The following LRRIQ3 variants were observed in gnomAD, a reference collection of about 807,000 sequenced individuals.
LRRIQ3 encodes the protein leucine-rich repeat and IQ domain-containing protein 3.
A neutral mutation model predicts 59.3 loss-of-function variants in LRRIQ3; 75 were observed. That is an observed-to-expected ratio of 1.26 (90% CI 1.05 to 1.53). The LOEUF (loss-of-function observed/expected upper bound fraction) is 1.53. Among genes scored for constraint, LRRIQ3 ranks in the 40% most tolerant of loss-of-function variants. LRRIQ3 has a pLI of 0.00. For missense variants in LRRIQ3, 831 were observed against 710.0 expected (o/e 1.17, Z -1.94); for synonymous variants, 250 against 231.3 (o/e 1.08, Z -0.73).
At chr1:74,164,013 C>T (rs972707364) in intron 3 of LRRIQ3, among the ~76,000 whole-genome samples, 6 of 151,124 alleles carry the variant, frequency 4.0e-5, no homozygotes, top group African/African-American at 1.5e-4. Context: ...TATTTTTTCA[C>T]GTGATTACTT....
At chr1:74,045,134 C>A (rs1036449481) in intron 6 of LRRIQ3, among the ~76,000 whole-genome samples, 3 of 152,014 alleles carry the variant, frequency 2.0e-5, no homozygotes, top group African/African-American at 2.4e-5. Flanking sequence ...ATCCTGATAC[C>A]AAGACCTGGC....
At chr1:74,178,000 CTAAAA>C (rs1189136992) in intron 3 of LRRIQ3, among the ~76,000 whole-genome samples, 1 of 151,790 alleles carries the variant, frequency 6.6e-6, no homozygotes, top group African/African-American at 2.4e-5. Context: ...ATGGTCAGAA[CTAAAA>C]TATCATTATT....
chr1:74,098,381 C>T (rs1364537462), intron 5 of LRRIQ3, among the ~76,000 whole-genome samples: 3 of 152,140 alleles, frequency 2.0e-5, no homozygotes, highest in Admixed American at 1.3e-4. Context: ...GCACCCAATA[C>T]AGGAGCACCC....
At chr1:74,145,495 T>G (rs1177829205) in intron 4 of LRRIQ3, among the ~76,000 whole-genome samples, 1 of 150,808 alleles carries the variant, frequency 6.6e-6, no homozygotes, top group Admixed American at 6.7e-5. Context: ...TGTTTGCAAG[T>G]AAGAACTCTA....
At chr1:74,151,437 G>T (rs1341345250) in intron 4 of LRRIQ3, among the ~76,000 whole-genome samples, 1 of 152,010 alleles carries the variant, frequency 6.6e-6, no homozygotes, top group Non-Finnish European at 1.5e-5. Flanking sequence ...ATGTGACAAG[G>T]TATCCTCGGG....
chr1:74,146,467 C>G (rs576789576), intron 4 of LRRIQ3, among the ~76,000 whole-genome samples: 1 of 152,026 alleles, frequency 6.6e-6, no homozygotes, highest in South Asian at 2.1e-4. Flanking sequence ...ATGGTAGGCA[C>G]TCAATAAATA....
chr1:74,041,957 T>C, intron 6 of LRRIQ3, 24 bp from the exon 7 acceptor site: 1 of 1,541,152 alleles, frequency 6.5e-7, no homozygotes, highest in Non-Finnish European at 8.7e-7. Flanking sequence ...AAGCAAATAT[T>C]ATACATTATA....
At chr1:74,145,690 A>T (rs191041677) in intron 4 of LRRIQ3, among the ~76,000 whole-genome samples, 7 of 152,210 alleles carry the variant, frequency 4.6e-5, no homozygotes, top group African/African-American at 1.7e-4. Flanking sequence ...TCCACCACTA[A>T]AATATAATGA....
intron 5 of LRRIQ3, among the ~76,000 whole-genome samples, chr1:74,096,584 C>A (rs2100528991): frequency 6.6e-6 from 1 of 152,250 alleles, no homozygotes; most frequent in Non-Finnish European, 1.5e-5. Context: ...TGTTCCATTG[C>A]TGGTGAGGAG....
intron 4 of LRRIQ3, among the ~76,000 whole-genome samples, chr1:74,129,424 G>A (rs986207701): frequency 1.3e-5 from 2 of 152,018 alleles, no homozygotes; most frequent in Non-Finnish European, 2.9e-5. Flanking sequence ...CAAGGACCCA[G>A]GGCTCTTTAG....
At chr1:74,149,672 A>C (rs188315626) in intron 4 of LRRIQ3, among the ~76,000 whole-genome samples, 1 of 152,254 alleles carries the variant, frequency 6.6e-6, no homozygotes, top group East Asian at 1.9e-4. Flanking sequence ...CATTTCTGAT[A>C]CTACTTTTCT....
At chr1:74,130,684 C>T (rs184816132) in intron 4 of LRRIQ3, among the ~76,000 whole-genome samples, 50 of 152,136 alleles carry the variant, frequency 3.3e-4, no homozygotes, top group African/African-American at 1.1e-3. Flanking sequence ...TATTCTTCTA[C>T]GGTGCGTTAC....
intron 5 of LRRIQ3, among the ~76,000 whole-genome samples, chr1:74,092,188 G>A (rs1289943990): frequency 6.6e-6 from 1 of 152,028 alleles, no homozygotes; most frequent in East Asian, 1.9e-4. Flanking sequence ...TATTTGACTG[G>A]AGGTCATGTT....
At chr1:74,135,478 G>A (rs1234713170) in intron 4 of LRRIQ3, among the ~76,000 whole-genome samples, 2 of 151,714 alleles carry the variant, frequency 1.3e-5, no homozygotes, top group African/African-American at 4.8e-5. Flanking sequence ...CATTCTCCAG[G>A]ATATATCTCA....
chr1:74,191,805 A>C (rs1225463235), intron 1 of LRRIQ3, among the ~76,000 whole-genome samples: 4 of 152,176 alleles, frequency 2.6e-5, no homozygotes, highest in African/African-American at 9.6e-5. Flanking sequence ...AATTCATAGC[A>C]CTGAATACAT....
intron 7 of LRRIQ3, among the ~76,000 whole-genome samples, chr1:74,034,663 CA>C (rs1286222822): frequency 5.3e-5 from 8 of 150,920 alleles, no homozygotes; most frequent in Non-Finnish European, 8.9e-5. Context: ...CACACACACA[CA>C]CCACAAAGTG....
intron 4 of LRRIQ3, among the ~76,000 whole-genome samples, chr1:74,133,567 C>A (rs911143161): frequency 3.9e-5 from 6 of 151,988 alleles, no homozygotes; most frequent in African/African-American, 1.4e-4. Context: ...TTGTAGGCAC[C>A]TGGATGAAGC....
At chr1:74,140,457 C>A (rs1480448451) in intron 4 of LRRIQ3, among the ~76,000 whole-genome samples, 2 of 151,306 alleles carry the variant, frequency 1.3e-5, no homozygotes, top group African/African-American at 4.9e-5. Context: ...AATAATAATA[C>A]ATCTACAATC....
At chr1:74,160,986 T>C (rs532460218) in intron 3 of LRRIQ3, among the ~76,000 whole-genome samples, 1 of 152,192 alleles carries the variant, frequency 6.6e-6, no homozygotes, top group South Asian at 2.1e-4. Flanking sequence ...TCTTAGTCCA[T>C]CTGGGTAGCT....
Sources: allele counts gnomAD v4.1 joint callset (sites outside exome capture counted in the v4.1 genomes callset), GRCh38; gene constraint gnomAD v4.1.1; transcripts MANE v1.5; gene names NCBI Gene and HGNC (gene_info 2026-07-23, HGNC 2026-07-21).